Variants in DNAH5 observed in about 807,000 individuals in gnomAD.
DNAH5 encodes the protein axonemal beta dynein heavy chain 5.
A neutral mutation model predicts 518.2 loss-of-function variants in DNAH5; 372 were observed. That is an observed-to-expected ratio of 0.72 (90% CI 0.66 to 0.78). The LOEUF (loss-of-function observed/expected upper bound fraction) is 0.78, where lower values mean the gene tolerates loss of function less well. Ranked by LOEUF, DNAH5 falls within the 30% of genes least tolerant of loss-of-function variation. The pLI, the probability that DNAH5 is intolerant of heterozygous loss-of-function variation, is 0.00. For synonymous variants in DNAH5, 2,039 were observed against 2,025.9 expected (o/e 1.01, Z -0.17); for missense variants, 5,523 against 5,687.0 (o/e 0.97, Z 0.93).
At chr5:13,998,761 A>C (rs1341184260) in intron 1 of DNAH5, among the ~76,000 whole-genome samples, 1 of 152,184 alleles carries the variant, frequency 6.6e-6, no homozygotes, top group Non-Finnish European at 1.5e-5. Flanking sequence ...TCTTGAAATG[A>C]TTGTTTCTAG....
At chr5:13,787,570 G>A (rs569593453) in intron 51 of DNAH5, among the ~76,000 whole-genome samples, 2 of 152,148 alleles carry the variant, frequency 1.3e-5, no homozygotes, top group South Asian at 4.2e-4. Context: ...GACACAAAAG[G>A]TTATGCATTT....
At chr5:13,738,473 A>C (rs1747912333) in intron 65 of DNAH5, among the ~76,000 whole-genome samples, 1 of 152,220 alleles carries the variant, frequency 6.6e-6, no homozygotes, top group Non-Finnish European at 1.5e-5. Flanking sequence ...GTTTAAATTG[A>C]AAAGTCTTCT....
intron 1 of DNAH5, among the ~76,000 whole-genome samples, chr5:14,006,111 T>C (rs2152087592): frequency 6.8e-6 from 1 of 146,226 alleles, no homozygotes; most frequent in South Asian, 2.2e-4. Flanking sequence ...CATCACCCAT[T>C]ATTCAAAAAG....
At chr5:13,873,137 C>T (rs1052106581) in intron 22 of DNAH5, among the ~76,000 whole-genome samples, 5 of 152,030 alleles carry the variant, frequency 3.3e-5, no homozygotes, top group African/African-American at 1.2e-4. Context: ...TAAATAAATA[C>T]CAATCAAAGC....
intron 42 of DNAH5, among the ~76,000 whole-genome samples, chr5:13,815,558 TC>T (rs1761346423): frequency 6.6e-6 from 1 of 152,180 alleles, no homozygotes; most frequent in African/African-American, 2.4e-5. Context: ...GGCTCCCTGA[TC>T]TCAGACTTCC....
intron 44 of DNAH5, 98 bp from the exon 45 acceptor site, chr5:13,810,358 T>A: frequency 9.7e-7 from 1 of 1,027,512 alleles, no homozygotes; most frequent in Non-Finnish European, 1.5e-6. Context: ...AACAAGACAC[T>A]AGTTGCCCTC....
Position 13,814,691 on chromosome 5 carries a change from T to G in DNAH5, c.7144A>C (p.Ile2382Leu). Residue 2382 changes from isoleucine to leucine, a missense_variant, in exon 43 of 79, where the codon ATT (isoleucine) becomes CTT (leucine). Around this residue, in one of 3 missense-constraint regions of DNAH5, gnomAD observed 5,121 missense variants for 5,223.3 expected, o/e 0.98. Coordinates refer to ENST00000265104, the MANE Select transcript of DNAH5 (RefSeq NM_001369.3). ...ACGGTGGCAGGAGAAGCATTGTCAATGTTATGAGGCTCGAAAATGATCTTG... is the reference window on the plus strand; with the variant it reads ...ACGGTGGCAGGAGAAGCATTGTCAAGGTTATGAGGCTCGAAAATGATCTTG... The part of the protein sequence containing the change: ...NCKIIFEPHN[I>L]DNASPATVSR... The G allele has an allele frequency of 6.2e-7, 1 of 1,614,070 alleles. No individual in the cohort carries two copies. The highest frequency in any genetic ancestry group is 8.5e-7 in the Non-Finnish European group (1 of 1,179,962).
intron 19 of DNAH5, among the ~76,000 whole-genome samples, chr5:13,884,161 C>T (rs1002195412): frequency 2.0e-5 from 3 of 152,016 alleles, no homozygotes; most frequent in Non-Finnish European, 2.9e-5. Flanking sequence ...CTGGAAAGTA[C>T]TAAATTAGCA....
At chr5:13,767,243 G>A (rs532339284) in intron 58 of DNAH5, among the ~76,000 whole-genome samples, 1 of 152,276 alleles carries the variant, frequency 6.6e-6, no homozygotes, top group South Asian at 2.1e-4. Flanking sequence ...TCGTGCCTCA[G>A]CCTCCTGAAT....
chr5:13,721,384 CTG>C, intron 70 of DNAH5, 139 bp from the exon 71 acceptor site: 1 of 978,650 alleles, frequency 1.0e-6, no homozygotes, highest in South Asian at 1.5e-5. Flanking sequence ...AGGGTAGAGA[CTG>C]TTTTTCATAT....
intron 30 of DNAH5, among the ~76,000 whole-genome samples, chr5:13,852,539 A>C (rs535749448): frequency 6.6e-6 from 1 of 152,240 alleles, no homozygotes; most frequent in Non-Finnish European, 1.5e-5. Context: ...TCCCCTGGAA[A>C]GGGGGCTGAA....
intron 35 of DNAH5, among the ~76,000 whole-genome samples, chr5:13,837,719 T>C (rs2151853271): frequency 9.1e-6 from 1 of 109,868 alleles, no homozygotes; most frequent in South Asian, 2.7e-4. Context: ...TTTTTTTTTT[T>C]TGAGACGGAG....
chr5:13,884,893 T>C (rs993063388), intron 19 of DNAH5, 96 bp downstream of exon 19: 11 of 1,525,042 alleles, frequency 7.2e-6, no homozygotes, highest in Non-Finnish European at 9.8e-6. Context: ...TTAACAGGAA[T>C]GTACATGCAC....
intron 32 of DNAH5, among the ~76,000 whole-genome samples, chr5:13,843,201 C>T (rs1765517994): frequency 6.6e-6 from 1 of 152,324 alleles, no homozygotes; most frequent in South Asian, 2.1e-4. Flanking sequence ...AGCTGTTCAG[C>T]CTTTTTTATC....
intron 56 of DNAH5, among the ~76,000 whole-genome samples, chr5:13,769,892 G>A (rs1561213054): frequency 6.6e-6 from 1 of 152,186 alleles, no homozygotes; most frequent in Non-Finnish European, 1.5e-5. Context: ...TCTGTATCAC[G>A]AAGGAAACAT....
At chr5:13,897,695 A>T (rs1176264476) in intron 15 of DNAH5, 1 of 152,242 alleles carries the variant, frequency 6.6e-6, no homozygotes, top group Non-Finnish European at 1.5e-5. Context: ...CCAGCTACTC[A>T]GGTTGAGCAG....
chr5:13,809,182 T>A lies in DNAH5; in HGVS notation c.7614A>T (p.Thr2538=), dbSNP rs756112960. ...AFDYYVAPDG[T]WTHWNTRTQE... ...GGGTACGCGTGTTCCAGTGCGTCCA[T>A]GTACCTAAGGTGAGCAGAGGACATT... is the stretch of plus-strand genomic sequence containing the variant. Residue 2538 remains threonine, a synonymous_variant, in exon 46 of 79, where the codon ACA becomes ACT. Transcript: ENST00000265104. 1.1e-5 allele frequency: 17 copies of A among 1,614,032 alleles called. No homozygotes were observed. The South Asian group carries it at 1.9e-4, about 18-fold the overall frequency.
chr5:13,700,657 A>G lies in DNAH5; in HGVS notation c.13706T>C (p.Ile4569Thr). The G allele has an allele frequency of 1.9e-6, 3 of 1,614,162 alleles. No homozygotes were observed. Among genetic ancestry groups the G allele is most frequent in the Admixed American group, 1.7e-5 (1 of 60,016 alleles). Residue 4569 changes from isoleucine (I) to threonine (T), a missense_variant, in exon 78 of 79, where the codon ATT becomes ACT. Physicochemically the swap from Ile to Thr is moderately conservative, Grantham distance 89 (BLOSUM62 -1). This residue lies in a region of DNAH5 where 387 missense variants were observed against 430.0 expected (regional missense o/e 0.90). Transcript: ENST00000265104. ...CAACTTACTATTGTTTTCTGCATAAATCCTTATGACAGGCATCAACTCAAA... is the reference window on the plus strand; with the variant it reads ...CAACTTACTATTGTTTTCTGCATAAGTCCTTATGACAGGCATCAACTCAAA... ...VLFELMPVIR[I>T]YAENNTLRDP... is the part of the protein sequence containing the mutation.
At chr5:13,758,489 T>A (rs1384486981) in intron 61 of DNAH5, among the ~76,000 whole-genome samples, 7 of 152,134 alleles carry the variant, frequency 4.6e-5, no homozygotes, top group Non-Finnish European at 8.8e-5. Flanking sequence ...AGCAATACTT[T>A]GTCTAAATAA....
Sources: allele counts gnomAD v4.1 joint callset (sites outside exome capture counted in the v4.1 genomes callset), GRCh38; gene constraint gnomAD v4.1.1; regional missense constraint gnomAD v4.1.1; transcripts MANE v1.5; gene names NCBI Gene and HGNC (gene_info 2026-07-23, HGNC 2026-07-21).